PEAK1: variants seen among roughly 807,000 people sequenced by gnomAD.
PEAK1 encodes inactive tyrosine-protein kinase PEAK1.
Under a neutral mutation model 124.7 loss-of-function variants are expected in PEAK1, and 54 were observed. The ratio of observed to expected loss-of-function variants is 0.43; its 90% CI spans 0.35 to 0.54. PEAK1 has a LOEUF of 0.54. Among genes scored for constraint, PEAK1 ranks in the 20% least tolerant of loss-of-function variants. The probability of loss-of-function intolerance (pLI) is 0.01; values close to 1 mark genes in which losing one functional copy is unlikely to be tolerated. For missense variants in PEAK1, 2,046 were observed against 2,134.5 expected, an observed-to-expected ratio of 0.96 and a Z score of 0.82; for synonymous variants, 719 against 760.0, an observed-to-expected ratio of 0.95 and a Z score of 0.89.
intron 2 of PEAK1, chr15:77,351,008 G>A (rs376910234): frequency 2.2e-6 from 2 of 929,396 alleles, no homozygotes; most frequent in Non-Finnish European, 1.3e-6. Flanking sequence ...AGGCACTATT[G>A]GTATTAGAGA....
chr15:77,347,851 C>T (rs1315854052), intron 2 of PEAK1: 1 of 984,502 alleles, frequency 1.0e-6, no homozygotes, highest in Non-Finnish European at 1.2e-6. Context: ...GCATCTACAA[C>T]ATTAAACAAT....
rs1397833408 is a variant in PEAK1, at chr15:77,180,397, T to C, written c.1530A>G (p.Thr510=). The change falls in exon 7 of 10, where the codon ACA becomes ACG. Residue 510 remains threonine (T), a synonymous_variant. Transcript: ENST00000682557. The part of the protein sequence containing the change: ...SSSSTPNSPV[T]SSSLTPGQIS... ...TTTGTCCTGGTGTCAATGAAGATGA[T>C]GTAACTGGAGAGTTTGGAGTAGAGG... is the stretch of plus-strand genomic sequence containing the variant. 9.3e-6 allele frequency: 15 copies of C among 1,614,198 alleles called. No individual in the cohort carries two copies. The highest frequency in any genetic ancestry group is 1.3e-5 in the Non-Finnish European group (15 of 1,180,016).
chr15:77,114,963 A>G lies in PEAK1; in HGVS notation c.4434T>C (p.Ser1478=), dbSNP rs746885436. ...CAGGGCTTTTCCCATGCTGGGCCAG[A>G]GAGTCTCGCACAAAATCAGCCACAG... is the stretch of plus-strand genomic sequence containing the variant. The part of the protein sequence containing the change: ...CLTVADFVRD[S]LAQHGKSPDL... Residue 1478 remains serine, a synonymous_variant, in exon 10 of 10, where the codon TCT becomes TCC. Coordinates refer to ENST00000682557, the MANE Select transcript of PEAK1 (RefSeq NM_001385026.1). 6.2e-7 allele frequency: 1 copy of G among 1,614,110 alleles called. No individual in the cohort carries two copies. The highest frequency in any genetic ancestry group is 1.1e-5 in the South Asian group (1 of 91,084).
chr15:77,330,003 T>C (rs905152785), intron 2 of PEAK1, among the ~76,000 whole-genome samples: 1 of 151,878 alleles, frequency 6.6e-6, no homozygotes, highest in Non-Finnish European at 1.5e-5. Flanking sequence ...AGTGACTACC[T>C]AATATTAAAA....
intron 1 of PEAK1, among the ~76,000 whole-genome samples, chr15:77,415,507 T>G (rs1376238829): frequency 6.6e-6 from 1 of 152,178 alleles, no homozygotes; most frequent in Non-Finnish European, 1.5e-5. Flanking sequence ...GCGATCCTCC[T>G]GCCCCAGCCT....
intron 8 of PEAK1, among the ~76,000 whole-genome samples, chr15:77,138,667 C>T (rs2053527883): frequency 6.6e-6 from 1 of 152,022 alleles, no homozygotes. Context: ...AGTTTGAGAC[C>T]AGCCTGGCCA....
chr15:77,191,687 T>C lies in PEAK1; in HGVS notation c.-114-9647A>G, dbSNP rs181939286. On this transcript the variant is annotated intron_variant, in intron 6 of 9. Coordinates refer to ENST00000682557, the MANE Select transcript of PEAK1 (RefSeq NM_001385026.1). ...CTATCAGGAAGGAGTTGCTGAGCAA[T>C]AAGGTAATGTGATACTATTGTGCTT... Among the ~76,000 whole-genome samples the C allele has an allele frequency of 4.1e-4, 62 of 152,242 alleles. 2 individuals are homozygous for C. The highest frequency in any genetic ancestry group is 1.4e-3 in the African/African-American group (57 of 41,552).
chr15:77,250,915 A>G (rs1239678970), intron 6 of PEAK1, among the ~76,000 whole-genome samples: 2 of 152,220 alleles, frequency 1.3e-5, no homozygotes, highest in Non-Finnish European at 2.9e-5. Context: ...TAATTAGAAC[A>G]TTCATTCTTT....
chr15:77,145,448 C>CAA (rs199518110), intron 8 of PEAK1, among the ~76,000 whole-genome samples: 24 of 137,664 alleles, frequency 1.7e-4, no homozygotes, highest in Non-Finnish European at 3.1e-4. Flanking sequence ...GATTCCATCT[C>CAA]AAAAAAAAAA....
At chr15:77,402,406 T>A in intron 1 of PEAK1, 2 of 985,384 alleles carry the variant, frequency 2.0e-6, no homozygotes, top group Non-Finnish European at 2.4e-6. Context: ...TCAATCAACA[T>A]ATCACCCATT....
At chr15:77,192,827 CCTT>C (rs2057905753) in intron 6 of PEAK1, among the ~76,000 whole-genome samples, 2 of 151,614 alleles carry the variant, frequency 1.3e-5, no homozygotes, top group South Asian at 4.2e-4. Flanking sequence ...ACGGTCCTTA[CCTT>C]TTTTTTTAAA....
At chr15:77,333,478 T>C (rs1023464325) in intron 2 of PEAK1, 4 of 900,736 alleles carry the variant, frequency 4.4e-6, no homozygotes, top group Non-Finnish European at 5.3e-6. Context: ...TATCTAAGAA[T>C]AAATATTTTC....
At chr15:77,313,885 A>G (rs1165343376) in intron 2 of PEAK1, among the ~76,000 whole-genome samples, 2 of 151,446 alleles carry the variant, frequency 1.3e-5, no homozygotes, top group Non-Finnish European at 2.9e-5. Flanking sequence ...CCCGGCCAAG[A>G]CGTCCTTTTA....
chr15:77,133,002 T>C lies in PEAK1; in HGVS notation c.4077+3A>G. 1 of 1,600,320 alleles carries C rather than the reference T, an allele frequency of 6.2e-7. No individual in the cohort carries two copies. Among genetic ancestry groups the C allele is most frequent in the Non-Finnish European group, 8.5e-7 (1 of 1,169,834 alleles). ...TAACATGAGATTTATAATATTTTCTTACCTTGACTGCATAGTTATTAAGTG... is the reference window on the plus strand; with the variant it reads ...TAACATGAGATTTATAATATTTTCTCACCTTGACTGCATAGTTATTAAGTG... On this transcript the variant is annotated splice_donor_region_variant and intron_variant, in intron 9 of 9. Coordinates refer to ENST00000682557, the MANE Select transcript of PEAK1 (RefSeq NM_001385026.1). This position sits in a 1 kb window ranked among gnomAD's most constrained non-coding sequence, Gnocchi z 4.2.
Position 77,283,971 on chromosome 15 carries a change from A to G in PEAK1, c.-363T>C, listed in dbSNP as rs2062796233. 2 of 983,518 alleles carry G rather than the reference A, an allele frequency of 2.0e-6. No individual in the cohort carries two copies. Among genetic ancestry groups the G allele is most frequent in the African/African-American group, 1.7e-5 (1 of 57,190 alleles). The allele number at this position is 983,518 out of a possible 1,614,324, so 60.9% of individuals were successfully genotyped here. ...TTCTCCTTCTTGGATTTTTTCATAA[A>G]TCATTGAATTCTCACTTTCTCACAA... is the stretch of plus-strand genomic sequence containing the variant. On this transcript the variant is annotated 5_prime_UTR_variant, in exon 5 of 10. Coordinates refer to ENST00000682557, the MANE Select transcript of PEAK1 (RefSeq NM_001385026.1).
Position 77,158,680 on chromosome 15 carries a change from C to T in PEAK1, c.3154G>A (p.Val1052Ile). Residue 1052 changes from valine to isoleucine, a missense_variant, in exon 8 of 10, where the codon GTA becomes ATA. Transcript: ENST00000682557. Reference sequence around the variant, plus strand: ...TCCCGAGGAGAAAAATCCTCTGTTACTTCATGGGTCATGTGACTGAAACAA... The same window carrying T: ...TCCCGAGGAGAAAAATCCTCTGTTATTTCATGGGTCATGTGACTGAAACAA... Reference protein sequence around the residue: ...KKILSHMTHEVTEDFSPRDPR... With the variant: ...KKILSHMTHEITEDFSPRDPR... 1.2e-6 allele frequency: 2 copies of T among 1,613,904 alleles called. No individual in the cohort carries two copies. The highest frequency in any genetic ancestry group is 2.2e-5 in the East Asian group (1 of 44,868).
intron 1 of PEAK1, among the ~76,000 whole-genome samples, chr15:77,399,962 C>G (rs1341929770): frequency 6.6e-6 from 1 of 152,062 alleles, no homozygotes; most frequent in African/African-American, 2.4e-5. Context: ...TCAAACAACT[C>G]TATAGGAAAA....
chr15:77,288,307 T>C (rs1373150321), intron 2 of PEAK1, among the ~76,000 whole-genome samples: 1 of 152,152 alleles, frequency 6.6e-6, no homozygotes, highest in Non-Finnish European at 1.5e-5. Flanking sequence ...CAATCCCATA[T>C]ATTCTCATGC....
At chr15:77,314,377 C>CT (rs145411094) in intron 2 of PEAK1, among the ~76,000 whole-genome samples, 12 of 150,576 alleles carry the variant, frequency 8.0e-5, no homozygotes, top group Non-Finnish European at 1.5e-4. Context: ...AATGAATTTT[C>CT]TTTTTTTTTA....
Sources: allele counts gnomAD v4.1 joint callset (sites outside exome capture counted in the v4.1 genomes callset), GRCh38; gene constraint gnomAD v4.1.1; non-coding constraint Gnocchi (gnomAD v3.1); transcripts MANE v1.5; gene names NCBI Gene and HGNC (gene_info 2026-07-23, HGNC 2026-07-21).